Variants in PAM observed in about 807,000 individuals in gnomAD.
The protein encoded by PAM is peptidylglycine alpha-amidating monooxygenase.
Under a neutral mutation model 122.1 loss-of-function variants are expected in PAM, and 72 were observed. That is an observed-to-expected ratio of 0.59 (90% CI 0.49 to 0.72). The LOEUF (loss-of-function observed/expected upper bound fraction) is 0.72, where lower values mean the gene tolerates loss of function less well. Among genes scored for constraint, PAM ranks in the 30% least tolerant of loss-of-function variants. The pLI is 0.00. For missense variants in PAM, 1,106 were observed against 1,183.7 expected (o/e 0.93, Z 0.96); for synonymous variants, 389 against 404.4 (o/e 0.96, Z 0.46).
Position 102,949,960 on chromosome 5 carries a change from G to C in PAM, c.783G>C (p.Gln261His), listed in dbSNP as rs1185150305. 6.3e-7 allele frequency: 1 copy of C among 1,582,632 alleles called. No homozygotes were observed. Among genetic ancestry groups the C allele is most frequent in the South Asian group, 1.1e-5 (1 of 90,166 alleles). ...GACAGTGGACACTGATTGGACGGCA[G>C]AGCCCTCAGCTGCCACAGGTGGGTA... is the stretch of plus-strand genomic sequence containing the variant. ...RNGQWTLIGR[Q>H]SPQLPQAFYP... Residue 261 changes from glutamine (Q) to histidine (H), a missense_variant, in exon 11 of 26, where the codon CAG becomes CAC. Physicochemically the swap from Gln to His is conservative, Grantham distance 24. This residue lies in a region of PAM where 670 missense variants were observed against 690.3 expected (regional missense o/e 0.97). Transcript: ENST00000438793.
At chr5:102,764,108 T>A (rs866202174) in intron 1 of PAM, among the ~76,000 whole-genome samples, 3 of 152,150 alleles carry the variant, frequency 2.0e-5, no homozygotes, top group African/African-American at 7.2e-5. Flanking sequence ...AAGTTGGGGT[T>A]TTCTTTTATT....
chr5:102,984,983 T>C (rs140808967), intron 15 of PAM, among the ~76,000 whole-genome samples: 2 of 151,814 alleles, frequency 1.3e-5, no homozygotes, highest in African/African-American at 2.4e-5. Context: ...TGACCAACTA[T>C]TGGGTCAGTG....
intron 5 of PAM, among the ~76,000 whole-genome samples, chr5:102,922,312 T>G (rs559715405): frequency 5.3e-5 from 8 of 152,134 alleles, no homozygotes; most frequent in African/African-American, 1.9e-4. Flanking sequence ...GAGAACACTT[T>G]CCTGAGGAGG....
At chr5:102,825,452 G>A (rs559587990) in intron 1 of PAM, among the ~76,000 whole-genome samples, 2 of 152,198 alleles carry the variant, frequency 1.3e-5, no homozygotes, top group African/African-American at 2.4e-5. Flanking sequence ...CTTACTGTGT[G>A]CGTATGTATA....
At chr5:103,001,945 G>C (rs1479504879) in intron 16 of PAM, among the ~76,000 whole-genome samples, 1 of 151,760 alleles carries the variant, frequency 6.6e-6, no homozygotes, top group African/African-American at 2.4e-5. Flanking sequence ...TGCTATAAAG[G>C]CAATTCTGTT....
chr5:102,891,942 T>C (rs1794904200), intron 3 of PAM, among the ~76,000 whole-genome samples: 1 of 151,880 alleles, frequency 6.6e-6, no homozygotes, highest in African/African-American at 2.4e-5. Flanking sequence ...CTGTTCTTTC[T>C]TGCCTAAGAG....
At chr5:102,784,725 G>A (rs907983038) in intron 1 of PAM, among the ~76,000 whole-genome samples, 7 of 152,256 alleles carry the variant, frequency 4.6e-5, no homozygotes, top group Admixed American at 2.6e-4. Context: ...CTTTGTGTCA[G>A]TCACTGGCGG....
intron 3 of PAM, among the ~76,000 whole-genome samples, chr5:102,874,783 G>A (rs893757030): frequency 2.3e-5 from 3 of 127,678 alleles, no homozygotes; most frequent in Non-Finnish European, 4.5e-5. Context: ...AACATACTTA[G>A]TGAGTATTCA....
Position 103,010,442 on chromosome 5 carries a change from C to A in PAM, c.2331+576C>A, listed in dbSNP as rs564374705. ...AACGTGCTTTTTATAAACACAGCAA[C>A]TGTGTTCAGTGTGCCCATGGCCCTT... On this transcript the variant is annotated intron_variant, in intron 21 of 25. Transcript: ENST00000438793. Among the ~76,000 whole-genome samples, 15 of 152,306 alleles carry A rather than the reference C, an allele frequency of 9.8e-5. No individual in the cohort carries two copies. The East Asian group carries it at 1.7e-3, about 18-fold the overall frequency.
chr5:103,025,184 T>G lies in PAM; in HGVS notation c.2539T>G (p.Leu847Val), dbSNP rs148972876. 6.2e-7 allele frequency: 1 copy of G among 1,613,660 alleles called. No homozygotes were observed. Among genetic ancestry groups the G allele is most frequent in the African/African-American group, 1.3e-5 (1 of 74,890 alleles). The change falls in exon 24 of 26, where the codon TTG becomes GTG. Residue 847 changes from leucine (L) to valine (V), a missense_variant. This residue lies in a region of PAM where 333 missense variants were observed against 335.6 expected (regional missense o/e 0.99). Transcript: ENST00000438793. ...GGAGAACAAACCCACCTCCTCAGAATTGCAGAAGATGCAAGAGAAACAGAA... is the reference window on the plus strand; with the variant it reads ...GGAGAACAAACCCACCTCCTCAGAAGTGCAGAAGATGCAAGAGAAACAGAA... ...KMENKPTSSE[L>V]QKMQEKQKLI... is the part of the protein sequence containing the mutation.
chr5:102,821,082 TTAAAGA>T lies in PAM; in HGVS notation c.-373-44736_-373-44731del, dbSNP rs1046720148. Among the ~76,000 whole-genome samples the T allele has an allele frequency of 1.6e-3, 249 of 152,308 alleles. 4 individuals carry two copies. The highest frequency in any genetic ancestry group is 0.016 in the Admixed American group (247 of 15,288). ...TAGAAATTTTTCATCTTCTGTACCT[TTAAAGA>T]TAAACTCTGAATTAGATTTTCATTT... On this transcript the variant is annotated intron_variant, in intron 1 of 25. Coordinates refer to ENST00000438793, the MANE Select transcript of PAM (RefSeq NM_001177306.2).
intron 15 of PAM, among the ~76,000 whole-genome samples, chr5:102,984,968 G>T (rs1374813958): frequency 2.0e-5 from 3 of 151,798 alleles, no homozygotes; most frequent in Non-Finnish European, 2.9e-5. Context: ...TAAACAAAAT[G>T]CTCATGACCA....
At chr5:102,836,105 G>GTAGAGATTAATGTAA (rs1309423925) in intron 1 of PAM, among the ~76,000 whole-genome samples, 1 of 152,196 alleles carries the variant, frequency 6.6e-6, no homozygotes, top group Non-Finnish European at 1.5e-5. Flanking sequence ...AGAGATGTTT[G>GTAGAGATTAATGTAA]TGAAAAAATT....
chr5:102,985,692 C>G (rs1771591991), intron 15 of PAM, among the ~76,000 whole-genome samples: 1 of 151,962 alleles, frequency 6.6e-6, no homozygotes, highest in South Asian at 2.1e-4. Flanking sequence ...ACAATTTTTT[C>G]AAACTATTCC....
chr5:102,919,318 GT>G (rs1746539568), intron 5 of PAM, among the ~76,000 whole-genome samples: 1 of 151,958 alleles, frequency 6.6e-6, no homozygotes, highest in Non-Finnish European at 1.5e-5. Flanking sequence ...TTAAATGACT[GT>G]TTTTTAAAGG....
rs765869596 is a variant in PAM at position 102,926,570 on chromosome 5, T to G, written c.443-15T>G. On this transcript the variant is annotated splice_polypyrimidine_tract_variant and intron_variant, in intron 6 of 25. Transcript: ENST00000438793. ...TGCTCATTTCTAATATATTAACTTT[T>G]TTGTAAATCTTTAGGTGTTGGATTC... 1 of 1,490,404 alleles carries G rather than the reference T, an allele frequency of 6.7e-7. No homozygotes were observed. Among genetic ancestry groups the G allele is most frequent in the South Asian group, 1.1e-5 (1 of 87,852 alleles). The allele number at this position is 1,490,404 out of a possible 1,614,324, so 92.3% of individuals were successfully genotyped here. A position where few individuals can be genotyped will look rare whatever the true frequency, so the allele number is the denominator to read the frequency against.
At chr5:102,874,654 G>A (rs368578011) in intron 3 of PAM, among the ~76,000 whole-genome samples, 1 of 151,832 alleles carries the variant, frequency 6.6e-6, no homozygotes, top group African/African-American at 2.4e-5. Flanking sequence ...CATGATGCTT[G>A]AGAATATTTT....
At chr5:102,928,496 G>A (rs953604034) in intron 7 of PAM, among the ~76,000 whole-genome samples, 5 of 151,900 alleles carry the variant, frequency 3.3e-5, no homozygotes, top group African/African-American at 1.2e-4. Context: ...GATATATGGG[G>A]TAGAAAGATT....
intron 1 of PAM, among the ~76,000 whole-genome samples, chr5:102,839,028 TATATC>T (rs1390894559): frequency 6.6e-6 from 1 of 152,152 alleles, no homozygotes; most frequent in African/African-American, 2.4e-5. Flanking sequence ...TATTGGGAGA[TATATC>T]ATACACACAG....
Sources: gnomAD v4.1 joint callset for allele counts (sites outside exome capture counted in the v4.1 genomes callset) on GRCh38, gnomAD v4.1.1 for gene constraint, gnomAD v4.1.1 regional missense constraint, MANE v1.5 for transcripts, NCBI Gene and HGNC (gene_info 2026-07-23, HGNC 2026-07-21) for gene names.